CAPN15: variants seen among roughly 807,000 people sequenced by gnomAD.
CAPN15 encodes calpain 15, also known as calpain-15.
In CAPN15, 53 loss-of-function variants were observed where a neutral mutation model predicts 97.9. The ratio of observed to expected loss-of-function variants is 0.54; its 90% CI spans 0.43 to 0.68. The LOEUF is 0.68. Ranked by LOEUF, CAPN15 falls within the 30% of genes least tolerant of loss-of-function variation. The pLI is 0.00. For synonymous variants in CAPN15, 922 were observed against 722.5 expected, an observed-to-expected ratio of 1.28 and a Z score of -4.43; for missense variants, 1,592 against 1,589.8, an observed-to-expected ratio of 1.00 and a Z score of -0.02.
rs531634047 is a variant in CAPN15 at position 551,109 on chromosome 16, C to T, written c.2067-193C>T. Among the ~76,000 whole-genome samples, 242 of 127,382 alleles carry T rather than the reference C, an allele frequency of 1.9e-3. 1 individual carries two copies. The highest frequency in any genetic ancestry group is 7.2e-3 in the African/African-American group (215 of 29,858). The allele number at this position is 127,382 out of a possible 152,430, so 83.6% of individuals were successfully genotyped here. ...GAGGGCCCCGGTCGGTGAGGGTCCC[C>T]GGTCGGTGAGGGCCCCTGTTGGTGA... On this transcript the variant is annotated intron_variant, in intron 7 of 13. Coordinates refer to ENST00000219611, the MANE Select transcript of CAPN15 (RefSeq NM_005632.3).
chr16:533,839 C>G, intron 1 of CAPN15, 107 bp from the exon 2 acceptor site: 4 of 436,640 alleles, frequency 9.2e-6, no homozygotes, highest in Non-Finnish European at 1.2e-5. Context: ...GCTGATTTCC[C>G]GGGACTCTGG....
intron 3 of CAPN15, chr16:537,460 C>T (rs1877942043): frequency 2.0e-6 from 2 of 985,190 alleles, no homozygotes; most frequent in South Asian, 4.7e-5. Context: ...GGGTGAGTGG[C>T]GAAGGAGCTG....
intron 1 of CAPN15, among the ~76,000 whole-genome samples, chr16:530,697 CAG>C (rs1454814471): frequency 4.6e-5 from 7 of 152,190 alleles, no homozygotes; most frequent in Non-Finnish European, 8.8e-5. Context: ...ACCACTAGGA[CAG>C]GGGCTGCTGC....
rs1231487451 is a variant in CAPN15 at position 547,771 on chromosome 16, G to A, written c.933G>A (p.Glu311=). The A allele has an allele frequency of 3.1e-6, 5 of 1,610,802 alleles. No individual in the cohort carries two copies. Among genetic ancestry groups the A allele is most frequent in the South Asian group, 1.1e-5 (1 of 90,930 alleles). Residue 311 remains glutamate (E), a synonymous_variant, in exon 4 of 14, where the codon GAG becomes GAA. Transcript: ENST00000219611. ...EATEGGTSRV[E]AGSSTSGSDI... is the part of the protein sequence containing the mutation. ...CGGAGGGTGGCACCAGCCGCGTAGA[G>A]GCCGGCAGCTCCACCTCGGGCAGTG...
rs75045595 is a variant in CAPN15, at chr16:552,370, C to T, written c.2577C>T (p.Ser859=). The change falls in exon 11 of 14, where the codon AGC becomes AGT. Residue 859 remains serine, a synonymous_variant. Coordinates refer to ENST00000219611, the MANE Select transcript of CAPN15 (RefSeq NM_005632.3). The surrounding 1 kb of genome is among the most constrained non-coding windows in gnomAD (Gnocchi z 6.4). ...CILVFRATFG[S]GGHLSLGRLL... is the part of the protein sequence containing the mutation. ...TGGTGTTCCGGGCCACGTTCGGCAG[C>T]GGCGGCCACCTCAGCCTGGGCCGCC... The T allele has an allele frequency of 3.4e-4, 551 of 1,600,542 alleles. 8 individuals carry two copies. Among genetic ancestry groups the T allele is most frequent in the South Asian group, 2.8e-3 (249 of 90,242 alleles).
In CAPN15 at chr16:527,748, CCCGGGCGCG is replaced by C. The variant is rs1234151223; in HGVS notation, c.-467_-459del. The C allele has an allele frequency of 2.7e-5, 4 of 150,272 alleles. No individual in the cohort carries two copies. The highest frequency in any genetic ancestry group is 4.5e-5 in the Non-Finnish European group (3 of 67,308). The allele number at this position is 150,272 out of a possible 1,614,324, so 9.3% of individuals were successfully genotyped here. ...GCGCGATTCACAGCGCCGCGTGCGC[CCCGGGCGCG>C]CCGTAGCCGCGGGGCCCGGGCCGGG... On this transcript the variant is annotated 5_prime_UTR_variant, in exon 1 of 14. Coordinates refer to ENST00000219611, the MANE Select transcript of CAPN15 (RefSeq NM_005632.3).
At chr16:543,754 C>T (rs1235646504) in intron 3 of CAPN15, among the ~76,000 whole-genome samples, 3 of 152,196 alleles carry the variant, frequency 2.0e-5, no homozygotes, top group Admixed American at 6.5e-5. Flanking sequence ...CATGCACAGG[C>T]GACCCCTGCC....
chr16:545,780 G>A (rs761595752), intron 3 of CAPN15, among the ~76,000 whole-genome samples: 6 of 152,234 alleles, frequency 3.9e-5, no homozygotes, highest in Non-Finnish European at 2.9e-5. Context: ...TGCAGAGTCT[G>A]TGAAGGCACC....
chr16:541,093 C>T (rs1305702095), intron 3 of CAPN15, among the ~76,000 whole-genome samples: 1 of 152,272 alleles, frequency 6.6e-6, no homozygotes, highest in East Asian at 1.9e-4. Context: ...AAGGGCCTGC[C>T]AGGCTGCACC....
At position 535,825 on chromosome 16, in the gene CAPN15, C is replaced by T. The variant is rs1295567010; in HGVS notation, c.-136-204C>T. ...GCCCACAGCAGAGGCCCGGGGGGCA[C>T]ATGCAGCTCACGGGAGCAGCACAGA... is the stretch of plus-strand genomic sequence containing the variant. On this transcript the variant is annotated intron_variant, in intron 2 of 13. Transcript: ENST00000219611. The surrounding 1 kb of genome is among the most constrained non-coding windows in gnomAD (Gnocchi z 6.2). 6.6e-6 allele frequency among the ~76,000 whole-genome samples: 1 copy of T among 152,132 alleles called. No homozygotes were observed. Among genetic ancestry groups the T allele is most frequent in the East Asian group, 1.9e-4 (1 of 5,192 alleles).
At chr16:540,397 G>A (rs186585224) in intron 3 of CAPN15, 173 of 978,240 alleles carry the variant, frequency 1.8e-4, no homozygotes, top group African/African-American at 1.7e-3. Context: ...GGGTGGCCCC[G>A]GAGGGCTCCC....
intron 1 of CAPN15, among the ~76,000 whole-genome samples, chr16:531,384 C>A (rs1596316135): frequency 1.3e-5 from 2 of 152,200 alleles, no homozygotes; most frequent in East Asian, 1.9e-4. Context: ...TAAGTGAAGT[C>A]CCCCAGGCAG....
In CAPN15 at chr16:529,127, G is replaced by A. The variant is rs143676884; in HGVS notation, c.-190+1098G>A. Among the ~76,000 whole-genome samples, 478 of 152,010 alleles carry A rather than the reference G, an allele frequency of 3.1e-3. 3 individuals carry two copies. The highest frequency in any genetic ancestry group is 0.01 in the African/African-American group (429 of 41,440). On this transcript the variant is annotated intron_variant, in intron 1 of 13. Coordinates refer to ENST00000219611, the MANE Select transcript of CAPN15 (RefSeq NM_005632.3). ...CCTCCTCCGAGGTCCTTCTGCTTGC[G>A]GGAGGAGCACCCCTCTTTTTCCTGC... is the stretch of plus-strand genomic sequence containing the variant.
Position 535,488 on chromosome 16 carries a change from C to T in CAPN15, c.-136-541C>T, listed in dbSNP as rs966059516. The T allele has an allele frequency of 6.5e-6, 1 of 154,242 alleles. No homozygotes were observed. The highest frequency in any genetic ancestry group is 1.5e-5 in the Non-Finnish European group (1 of 68,082). 9.6% of individuals were successfully genotyped at this position (154,242 alleles called of 1,614,324 possible). A position where few individuals can be genotyped will look rare whatever the true frequency, so the allele number is the denominator to read the frequency against. Reference sequence around the variant, plus strand: ...CCTGCTCATTAACCACTTGTCCCCACAGGGCAGTGGCGGCCTCACCTCTGC... The same window carrying T: ...CCTGCTCATTAACCACTTGTCCCCATAGGGCAGTGGCGGCCTCACCTCTGC... On this transcript the variant is annotated intron_variant, in intron 2 of 13. Coordinates refer to ENST00000219611, the MANE Select transcript of CAPN15 (RefSeq NM_005632.3). This position sits in a 1 kb window ranked among gnomAD's most constrained non-coding sequence, Gnocchi z 6.2.
chr16:552,799 C>CGTGGGGGGGGGGGGGGGTGGG lies in CAPN15; in HGVS notation c.2904+34_2904+35insGGGGGGGGGGGTGGGGTGGGG. ...GGGTGGGGGTCCCGGGGGAGGGTGG[C>CGTGGGGGGGGGGGGGGGTGGG]GTGGGGCAGGGGGAGTATGCCCCAG... On this transcript the variant is annotated intron_variant, in intron 12 of 13. Coordinates refer to ENST00000219611, the MANE Select transcript of CAPN15 (RefSeq NM_005632.3). The surrounding 1 kb of genome is among the most constrained non-coding windows in gnomAD (Gnocchi z 6.4). The CGTGGGGGGGGGGGGGGGTGGG allele has an allele frequency of 6.6e-7, 1 of 1,511,152 alleles. No individual in the cohort carries two copies. The highest frequency in any genetic ancestry group is 8.9e-7 in the Non-Finnish European group (1 of 1,124,788). 93.6% of individuals were successfully genotyped at this position (1,511,152 alleles called of 1,614,324 possible).
rs761187332 is a variant in CAPN15 at position 547,458 on chromosome 16, A to G, written c.620A>G (p.Glu207Gly). The G allele has an allele frequency of 5.7e-6, 9 of 1,592,522 alleles. No homozygotes were observed. In the South Asian group the frequency reaches 8.9e-5, roughly 16 times the overall value. ...GCGCCTCCACCTGGCCTCCCCGGGG[A>G]AGGTGCCGAGGCCAACCCCCCAGCC... ...PAAPPPGLPG[E>G]GAEANPPATS... The change falls in exon 4 of 14, where the codon GAA becomes GGA. Residue 207 changes from glutamate (E) to glycine (G), a missense_variant. This residue lies in a region of CAPN15 where 883 missense variants were observed against 776.6 expected (regional missense o/e 1.14). Transcript: ENST00000219611.
At position 548,233 on chromosome 16, in the gene CAPN15, A is replaced by G. The variant is rs377715444; in HGVS notation, c.1395A>G (p.Thr465=). The G allele has an allele frequency of 6.4e-7, 1 of 1,552,178 alleles. No homozygotes were observed. The highest frequency in any genetic ancestry group is 2.4e-5 in the East Asian group (1 of 41,796). Residue 465 remains threonine, a synonymous_variant, in exon 4 of 14, where the codon ACA becomes ACG. Coordinates refer to ENST00000219611, the MANE Select transcript of CAPN15 (RefSeq NM_005632.3). ...ESMHVEQRRQ[T]DEGEAKALWE... ...TGCACGTGGAGCAGCGGCGGCAGAC[A>G]GACGAGGGCGAGGCCAAGGCACTCT...
chr16:534,311 G>A (rs368594540), intron 2 of CAPN15, among the ~76,000 whole-genome samples: 18 of 44,844 alleles, frequency 4.0e-4, no homozygotes, highest in African/African-American at 1.1e-3. Context: ...CCACGGCAGC[G>A]CTGGGGCTGG....
chr16:538,291 ATTG>A (rs2033870360), intron 3 of CAPN15: 1 of 118,660 alleles, frequency 8.4e-6, no homozygotes, highest in Non-Finnish European at 1.7e-5. Context: ...CTCACAGAGT[ATTG>A]TTTTTTTTTT....
Sources: gnomAD v4.1 joint callset for allele counts (sites outside exome capture counted in the v4.1 genomes callset) on GRCh38, gnomAD v4.1.1 for gene constraint, gnomAD v4.1.1 regional missense constraint, Gnocchi (gnomAD v3.1) non-coding constraint, MANE v1.5 for transcripts, NCBI Gene and HGNC (gene_info 2026-07-23, HGNC 2026-07-21) for gene names.